The following PEX14 variants were observed in gnomAD, a reference collection of about 807,000 sequenced individuals.
PEX14 encodes peroxisomal biogenesis factor 14.
Under a neutral mutation model 49.5 loss-of-function variants are expected in PEX14, and 15 were observed. That is an observed-to-expected ratio of 0.30 (90% CI 0.20 to 0.47). PEX14 has a LOEUF of 0.47. Among genes scored for constraint, PEX14 ranks in the 20% least tolerant of loss-of-function variants. The pLI is 1.00. For missense variants in PEX14, 398 were observed against 494.8 expected (o/e 0.80, Z 1.86); for synonymous variants, 210 against 212.7 (o/e 0.99, Z 0.11).
At chr1:10,587,727 T>A (rs1640535979) in intron 3 of PEX14, among the ~76,000 whole-genome samples, 1 of 151,810 alleles carries the variant, frequency 6.6e-6, no homozygotes, top group African/African-American at 2.4e-5. Flanking sequence ...TTATAGTACA[T>A]CCATACCAAC....
intron 1 of PEX14, among the ~76,000 whole-genome samples, chr1:10,484,387 G>T (rs1477178444): frequency 1.3e-5 from 2 of 151,468 alleles, no homozygotes; most frequent in Non-Finnish European, 2.9e-5. Context: ...TGGTCAGGCT[G>T]GTCTCCAACT....
chr1:10,492,467 G>C (rs574589316), intron 1 of PEX14, among the ~76,000 whole-genome samples: 25 of 152,282 alleles, frequency 1.6e-4, no homozygotes, highest in African/African-American at 5.5e-4. Flanking sequence ...TAAGTAGAAG[G>C]GTTCAAATCC....
chr1:10,606,956 C>T (rs1272175981), intron 4 of PEX14, among the ~76,000 whole-genome samples: 1 of 152,152 alleles, frequency 6.6e-6, no homozygotes, highest in Non-Finnish European at 1.5e-5. Context: ...TTCCATATAA[C>T]CATCACTACA....
intron 2 of PEX14, among the ~76,000 whole-genome samples, chr1:10,518,304 C>CG (rs1006965196): frequency 2.2e-4 from 33 of 152,240 alleles, no homozygotes; most frequent in Admixed American, 6.5e-4. Flanking sequence ...CTGCCTCCCC[C>CG]GGGTGGTGGG....
intron 4 of PEX14, among the ~76,000 whole-genome samples, chr1:10,612,281 A>C (rs1641295964): frequency 6.6e-6 from 1 of 152,122 alleles, no homozygotes; most frequent in South Asian, 2.1e-4. Flanking sequence ...CCTCTATCAA[A>C]AATCAGTTGA....
At chr1:10,550,117 C>G (rs1342656347) in intron 3 of PEX14, among the ~76,000 whole-genome samples, 1 of 152,100 alleles carries the variant, frequency 6.6e-6, no homozygotes, top group African/African-American at 2.4e-5. Context: ...AAGCAAAATA[C>G]AGATAAGCAA....
intron 2 of PEX14, among the ~76,000 whole-genome samples, chr1:10,507,780 T>C (rs1335447235): frequency 6.6e-6 from 1 of 152,216 alleles, no homozygotes; most frequent in Non-Finnish European, 1.5e-5. Context: ...GGATCTTTTA[T>C]TTCTACTTTC....
intron 3 of PEX14, among the ~76,000 whole-genome samples, chr1:10,554,044 C>G (rs1446973334): frequency 6.6e-6 from 1 of 151,406 alleles, no homozygotes; most frequent in African/African-American, 2.4e-5. Context: ...AATCCCAGCC[C>G]TTTGGGAGGC....
At chr1:10,582,487 T>C (rs1640349476) in intron 3 of PEX14, among the ~76,000 whole-genome samples, 1 of 152,130 alleles carries the variant, frequency 6.6e-6, no homozygotes, top group Admixed American at 6.5e-5. Context: ...AGATAGTAAT[T>C]GCTGTAGAAA....
rs760231440 is a variant in PEX14, at chr1:10,629,843, GGAT to G, written c.998_1000del (p.Asp333del). On this transcript the variant is annotated inframe_deletion, in exon 9 of 9. Coordinates refer to ENST00000356607, the MANE Select transcript of PEX14 (RefSeq NM_004565.3). The surrounding 1 kb of genome is among the most constrained non-coding windows in gnomAD (Gnocchi z 8.5). ...ACAAGGAGGACGAGGAGGATGAGGAGGATGATGATGTGAGCCATGTGGACGAGG... is the reference window on the plus strand; with the variant it reads ...ACAAGGAGGACGAGGAGGATGAGGAGGATGATGTGAGCCATGTGGACGAGG... 6.2e-6 allele frequency: 10 copies of G among 1,607,548 alleles called. No homozygotes were observed. The highest frequency in any genetic ancestry group is 1.6e-4 in the Middle Eastern group (1 of 6,078).
chr1:10,626,534 C>CCT (rs1413982167), intron 7 of PEX14, among the ~76,000 whole-genome samples: 2 of 152,376 alleles, frequency 1.3e-5, no homozygotes, highest in African/African-American at 4.8e-5. Flanking sequence ...AGAGGCCAGG[C>CCT]CTCTGTAAGC....
At chr1:10,571,501 A>G (rs1026104196) in intron 3 of PEX14, among the ~76,000 whole-genome samples, 16 of 151,996 alleles carry the variant, frequency 1.1e-4, no homozygotes, top group African/African-American at 3.9e-4. Context: ...ATATTGCTGA[A>G]CCATACATTA....
At chr1:10,485,266 T>G (rs1641347422) in intron 1 of PEX14, among the ~76,000 whole-genome samples, 1 of 151,304 alleles carries the variant, frequency 6.6e-6, no homozygotes, top group South Asian at 2.1e-4. Context: ...TTAGCCATTC[T>G]GGTGAGTGTG....
intron 3 of PEX14, among the ~76,000 whole-genome samples, chr1:10,547,967 G>A (rs563192324): frequency 7.9e-4 from 120 of 152,288 alleles, no homozygotes; most frequent in African/African-American, 2.8e-3. Flanking sequence ...TGTAATCCCA[G>A]CACTTTGGGA....
intron 4 of PEX14, among the ~76,000 whole-genome samples, chr1:10,617,496 G>A (rs542606173): frequency 1.3e-5 from 2 of 152,020 alleles, no homozygotes; most frequent in East Asian, 1.9e-4. Context: ...AGCCCCCACT[G>A]TACCTGCGGC....
chr1:10,569,175 A>G (rs543069552), intron 3 of PEX14, among the ~76,000 whole-genome samples: 7 of 152,366 alleles, frequency 4.6e-5, no homozygotes, highest in African/African-American at 1.4e-4. Flanking sequence ...TAGTAAAATC[A>G]TGAATACTAA....
intron 2 of PEX14, among the ~76,000 whole-genome samples, chr1:10,503,745 C>CT (rs1403193911): frequency 5.3e-5 from 8 of 150,950 alleles, no homozygotes; most frequent in Non-Finnish European, 1.2e-4. Context: ...CTTTTCTTTT[C>CT]TTTTTTTTGA....
rs544301678 is a variant in PEX14 at position 10,544,665 on chromosome 1, C to A, written c.169+8368C>A. On this transcript the variant is annotated intron_variant, in intron 3 of 8. Coordinates refer to ENST00000356607, the MANE Select transcript of PEX14 (RefSeq NM_004565.3). The stretch of plus-strand genomic sequence containing the variant: ...AGCATCCCCAAAAGTTTCCTCCTAC[C>A]CCTTGGTAATCCCTTCCTCCTGTGG... Among the ~76,000 whole-genome samples, 9 of 152,288 alleles carry A rather than the reference C, an allele frequency of 5.9e-5. No individual in the cohort carries two copies. The South Asian group carries it at 1.7e-3, about 28-fold the overall frequency.
chr1:10,535,372 C>A (rs1383019343), intron 2 of PEX14, among the ~76,000 whole-genome samples: 2 of 152,210 alleles, frequency 1.3e-5, no homozygotes, highest in Non-Finnish European at 2.9e-5. Flanking sequence ...AAATAATATT[C>A]ATTACCAGAG....
Sources: allele counts gnomAD v4.1 joint callset (sites outside exome capture counted in the v4.1 genomes callset), GRCh38; gene constraint gnomAD v4.1.1; non-coding constraint Gnocchi (gnomAD v3.1); transcripts MANE v1.5; gene names NCBI Gene and HGNC (gene_info 2026-07-23, HGNC 2026-07-21).